Variants in ZMYND11 observed in about 807,000 individuals in gnomAD.
The protein encoded by ZMYND11 is zinc finger MYND-type containing 11.
ZMYND11 carries 9 observed loss-of-function variants against 84.9 expected under a neutral mutation model. The ratio of observed to expected loss-of-function variants is 0.11; its 90% confidence interval spans 0.06 to 0.18. The LOEUF (loss-of-function observed/expected upper bound fraction) is 0.18. Ranked by LOEUF, ZMYND11 falls within the 10% of genes least tolerant of loss-of-function variation. ZMYND11 has a pLI of 1.00. For missense variants in ZMYND11, 409 were observed against 761.0 expected (o/e 0.54, Z 5.44); for synonymous variants, 250 against 244.1 (o/e 1.02, Z -0.23).
At chr10:213,752 T>G (rs1292292905) in intron 3 of ZMYND11, among the ~76,000 whole-genome samples, 1 of 152,162 alleles carries the variant, frequency 6.6e-6, no homozygotes, top group African/African-American at 2.4e-5. Context: ...CACAATTCTG[T>G]TGATAAAGAG....
rs368718867 is a variant in ZMYND11 at position 145,668 on chromosome 10, C to T, written c.-20+10109C>T. Among the ~76,000 whole-genome samples, 21 of 152,106 alleles carry T rather than the reference C, an allele frequency of 1.4e-4. No homozygotes were observed. In the East Asian group the frequency reaches 2.1e-3, roughly 15 times the overall value. ...ATTAGTCATATTTAGCATTTTCTTA[C>T]GTGTTTGTTGGTTATTTGTATATCT... On this transcript the variant is annotated intron_variant, in intron 1 of 14. Transcript: ENST00000381604.
intron 14 of ZMYND11, among the ~76,000 whole-genome samples, chr10:251,755 G>A (rs1399620703): frequency 6.6e-6 from 1 of 152,180 alleles, no homozygotes; most frequent in Non-Finnish European, 1.5e-5. Context: ...TGGGGGAGGT[G>A]TACATGGTGG....
At chr10:184,954 G>A (rs1475686193) in intron 2 of ZMYND11, among the ~76,000 whole-genome samples, 2 of 151,938 alleles carry the variant, frequency 1.3e-5, no homozygotes, top group African/African-American at 4.8e-5. Flanking sequence ...AACTGACTGC[G>A]GTAGTAGTTG....
intron 3 of ZMYND11, among the ~76,000 whole-genome samples, chr10:220,248 C>G (rs1419626086): frequency 6.6e-6 from 1 of 151,976 alleles, no homozygotes; most frequent in Non-Finnish European, 1.5e-5. Context: ...TGGAAGTGGC[C>G]CTGTTTATAC....
chr10:187,394 G>A (rs986400090), intron 2 of ZMYND11, among the ~76,000 whole-genome samples: 1 of 152,180 alleles, frequency 6.6e-6, no homozygotes, highest in Non-Finnish European at 1.5e-5. Flanking sequence ...CAGCACTTTG[G>A]GAGGCCGAGG....
intron 1 of ZMYND11, among the ~76,000 whole-genome samples, chr10:152,355 A>T (rs941724717): frequency 3.9e-5 from 6 of 152,190 alleles, no homozygotes; most frequent in Admixed American, 2.6e-4. Flanking sequence ...GGCTCAAAAT[A>T]AAGGGATGGA....
intron 14 of ZMYND11, chr10:249,867 T>G: frequency 1.2e-6 from 1 of 816,464 alleles, no homozygotes; most frequent in Non-Finnish European, 1.5e-6. Context: ...TTTAAATCTG[T>G]GACAAAGATT....
intron 1 of ZMYND11, among the ~76,000 whole-genome samples, chr10:176,390 G>A (rs1488904923): frequency 6.6e-6 from 1 of 152,002 alleles, no homozygotes; most frequent in African/African-American, 2.4e-5. Flanking sequence ...CTGTATTAAT[G>A]ATCTCTACAA....
At chr10:191,270 A>G (rs1452890210) in intron 2 of ZMYND11, among the ~76,000 whole-genome samples, 1 of 152,234 alleles carries the variant, frequency 6.6e-6, no homozygotes, top group Non-Finnish European at 1.5e-5. Flanking sequence ...AAATTTTCAT[A>G]TAGATCCATC....
chr10:147,428 A>G (rs1839157543), intron 1 of ZMYND11, among the ~76,000 whole-genome samples: 1 of 151,928 alleles, frequency 6.6e-6, no homozygotes, highest in African/African-American at 2.4e-5. Flanking sequence ...CCTCCTATTG[A>G]GCTCTACTTT....
chr10:167,456 T>C (rs1844267885), intron 1 of ZMYND11, among the ~76,000 whole-genome samples: 2 of 152,144 alleles, frequency 1.3e-5, no homozygotes, highest in Non-Finnish European at 2.9e-5. Context: ...TTTGCTTTAC[T>C]AGTATAACTA....
chr10:246,671 C>T, intron 10 of ZMYND11, 95 bp from the exon 11 acceptor site: 3 of 1,197,746 alleles, frequency 2.5e-6, no homozygotes, highest in Admixed American at 2.0e-5. Context: ...CCACAGGTCG[C>T]ACTTTATGGC....
chr10:236,972 C>T (rs973548225), intron 5 of ZMYND11, 57 bp downstream of exon 5: 1 of 1,502,038 alleles, frequency 6.7e-7, no homozygotes, highest in Non-Finnish European at 9.2e-7. Flanking sequence ...TACTATGGTT[C>T]ATTCTTTCAA....
At chr10:202,358 AAT>A (rs1196859379) in intron 2 of ZMYND11, among the ~76,000 whole-genome samples, 1 of 152,200 alleles carries the variant, frequency 6.6e-6, no homozygotes, top group Non-Finnish European at 1.5e-5. Context: ...ATTTTTAAAG[AAT>A]AGAAGAGTGA....
At chr10:245,187 T>C (rs747754236) in intron 10 of ZMYND11, among the ~76,000 whole-genome samples, 2 of 152,234 alleles carry the variant, frequency 1.3e-5, no homozygotes, top group East Asian at 1.9e-4. Flanking sequence ...AAAGTACTTA[T>C]GCCAGATGAG....
At chr10:205,425 C>T (rs1943945545) in intron 2 of ZMYND11, among the ~76,000 whole-genome samples, 1 of 152,132 alleles carries the variant, frequency 6.6e-6, no homozygotes, top group Non-Finnish European at 1.5e-5. Context: ...CATGGTAGCT[C>T]ATGCCTGTAA....
chr10:224,462 TGAGA>T (rs1399423214), intron 4 of ZMYND11, among the ~76,000 whole-genome samples: 4 of 152,222 alleles, frequency 2.6e-5, no homozygotes, highest in Admixed American at 2.6e-4. Context: ...GATTTTACTT[TGAGA>T]AAGATTTAAA....
intron 4 of ZMYND11, among the ~76,000 whole-genome samples, chr10:228,618 A>C (rs940212347): frequency 3.3e-5 from 5 of 152,240 alleles, no homozygotes; most frequent in Admixed American, 3.3e-4. Flanking sequence ...AGTCATATTC[A>C]TGCCTCGACC....
intron 3 of ZMYND11, among the ~76,000 whole-genome samples, chr10:212,047 CAGTA>C (rs1436092667): frequency 6.6e-6 from 1 of 152,102 alleles, no homozygotes. Flanking sequence ...AATTAACTAA[CAGTA>C]AGTGCAACTT....
Sources: allele counts gnomAD v4.1 joint callset (sites outside exome capture counted in the v4.1 genomes callset), GRCh38; gene constraint gnomAD v4.1.1; transcripts MANE v1.5; gene names NCBI Gene and HGNC (gene_info 2026-07-23, HGNC 2026-07-21).